Variants in ATP7A observed in about 807,000 individuals in gnomAD.
The protein encoded by ATP7A is copper-transporting ATPase 1.
ATP7A carries 7 observed loss-of-function variants against 83.5 expected under a neutral mutation model. The ratio of observed to expected loss-of-function variants is 0.08; its 90% CI spans 0.05 to 0.16. ATP7A has a LOEUF of 0.16. Among genes scored for constraint, ATP7A ranks in the 10% least tolerant of loss-of-function variants. The probability of loss-of-function intolerance (pLI) is 1.00; values close to 1 mark genes in which losing one functional copy is unlikely to be tolerated. For synonymous variants in ATP7A, 354 were observed against 395.2 expected, an observed-to-expected ratio of 0.90 and a Z score of 1.24; for missense variants, 940 against 1,120.8, an observed-to-expected ratio of 0.84 and a Z score of 2.30.
intron 4 of ATP7A, among the ~76,000 whole-genome samples, chrX:77,990,391 T>C (rs963278454): frequency 8.9e-5 from 10 of 112,037 alleles, no homozygotes; most frequent in Non-Finnish European, 5.6e-5. Context: ...CCTGGTAGGA[T>C]ATGAACCAAA....
chrX:77,933,765 A>T (rs2077303410), intron 1 of ATP7A, among the ~76,000 whole-genome samples: 1 of 112,491 alleles, frequency 8.9e-6, no homozygotes, highest in South Asian at 3.6e-4. Flanking sequence ...ACAATCTGTG[A>T]TCGACCTAAC....
At chrX:77,962,672 C>T (rs1287295856) in intron 1 of ATP7A, 1 of 381,880 alleles carries the variant, frequency 2.6e-6, no homozygotes, top group Non-Finnish European at 5.2e-6. Flanking sequence ...TAGGCCGGCC[C>T]GTTTTGAGCA....
In ATP7A at chrX:77,965,556, G is replaced by C. The variant is rs1428958495; in HGVS notation, c.-21-6065G>C. Reference sequence around the variant, plus strand: ...TTGGGGCCCTTATATACTGCTCATGGGAGTATAAATGGTACAGTCACTTTG... The same window carrying C: ...TTGGGGCCCTTATATACTGCTCATGCGAGTATAAATGGTACAGTCACTTTG... On this transcript the variant is annotated intron_variant, in intron 1 of 22. Coordinates refer to ENST00000341514, the MANE Select transcript of ATP7A (RefSeq NM_000052.7). 3 of 176,822 alleles carry C rather than the reference G, an allele frequency of 1.7e-5. No individual in the cohort carries two copies. The Admixed American group carries it at 2.0e-4, about 12-fold the overall frequency. The allele number at this position is 176,822 out of a possible 1,213,427, so 14.6% of individuals were successfully genotyped here. A position where few individuals can be genotyped will look rare whatever the true frequency, so the allele number is the denominator to read the frequency against.
intron 1 of ATP7A, among the ~76,000 whole-genome samples, chrX:77,921,806 T>C (rs1250926946): frequency 9.0e-6 from 1 of 111,095 alleles, no homozygotes; most frequent in African/African-American, 3.3e-5. Flanking sequence ...CTTGGGAGAC[T>C]GAGGCAGGAG....
chrX:77,978,706 T>C (rs1345072126), intron 2 of ATP7A, among the ~76,000 whole-genome samples: 1 of 111,834 alleles, frequency 8.9e-6, no homozygotes, highest in Non-Finnish European at 1.9e-5. Context: ...CTAAAGAATA[T>C]ACAGCCAAAA....
chrX:77,952,902 C>G (rs2077420994), intron 1 of ATP7A, among the ~76,000 whole-genome samples: 1 of 109,438 alleles, frequency 9.1e-6, no homozygotes, highest in Non-Finnish European at 1.9e-5. Flanking sequence ...CCACCTAAGC[C>G]TCCTGAGTAG....
intron 1 of ATP7A, 34 bp from the exon 2 acceptor site, chrX:77,971,587 T>C: frequency 1.7e-6 from 2 of 1,190,303 alleles, no homozygotes; most frequent in Non-Finnish European, 2.3e-6. Context: ...ATTATTTGCA[T>C]GGCTGAAATT....
intron 14 of ATP7A, among the ~76,000 whole-genome samples, chrX:78,024,365 T>C (rs2077928376): frequency 1.8e-5 from 2 of 111,718 alleles, no homozygotes; most frequent in African/African-American, 6.5e-5. Flanking sequence ...GTTGAATCTA[T>C]AGATTGCTTT....
At chrX:77,948,985 G>A (rs202080156) in intron 1 of ATP7A, among the ~76,000 whole-genome samples, 1 of 110,754 alleles carries the variant, frequency 9.0e-6, no homozygotes, top group African/African-American at 3.3e-5. Flanking sequence ...TCCGCCTCCC[G>A]GGTTCAAGCA....
At chrX:78,038,294 G>A (rs1445759499) in intron 17 of ATP7A, among the ~76,000 whole-genome samples, 1 of 109,868 alleles carries the variant, frequency 9.1e-6, no homozygotes, top group East Asian at 2.8e-4. Flanking sequence ...GTCATCATAT[G>A]GTATTAGGAT....
chrX:78,017,765 C>CT (rs1176316040), intron 12 of ATP7A, among the ~76,000 whole-genome samples: 1,197 of 45,795 alleles, frequency 0.026, 155 homozygotes, highest in African/African-American at 0.061. Flanking sequence ...TTTCTTGTTT[C>CT]TTTTTTTTTT....
intron 1 of ATP7A, among the ~76,000 whole-genome samples, chrX:77,942,794 A>T (rs1557225800): frequency 9.2e-6 from 1 of 108,520 alleles, no homozygotes; most frequent in East Asian, 2.9e-4. Context: ...GGATTTTTCT[A>T]GCTTTTGTTT....
chrX:77,962,936 C>A (rs1296890746), intron 1 of ATP7A: 1 of 303,213 alleles, frequency 3.3e-6, no homozygotes, highest in South Asian at 3.2e-5. Flanking sequence ...TGTAATAATT[C>A]ATACTTCCTC....
At chrX:77,987,102 A>G (rs2077641426) in intron 2 of ATP7A, among the ~76,000 whole-genome samples, 1 of 111,054 alleles carries the variant, frequency 9.0e-6, no homozygotes, top group Non-Finnish European at 1.9e-5. Flanking sequence ...CTCTCCTAAG[A>G]ATACTTTTCT....
At chrX:78,017,376 G>T (rs955121137) in intron 12 of ATP7A, among the ~76,000 whole-genome samples, 3 of 112,454 alleles carry the variant, frequency 2.7e-5, no homozygotes, top group Non-Finnish European at 3.8e-5. Context: ...GATGGGAGGG[G>T]CTGCTGCCAA....
Position 78,046,880 on chromosome X carries a change from T to A in ATP7A, c.*310T>A. On this transcript the variant is annotated 3_prime_UTR_variant, in exon 23 of 23. Coordinates refer to ENST00000341514, the MANE Select transcript of ATP7A (RefSeq NM_000052.7). ...ACTGCTGCTAAAGTGATTTTTTTTT[T>A]ATTTGACCAAAAAAAAAAAGGCCCA... The A allele has an allele frequency of 5.8e-6, 1 of 172,119 alleles. No individual in the cohort carries two copies. Among genetic ancestry groups the A allele is most frequent in the Non-Finnish European group, 1.0e-5 (1 of 97,571 alleles). The allele number at this position is 172,119 out of a possible 1,213,427, so 14.2% of individuals were successfully genotyped here. A position where few individuals can be genotyped will look rare whatever the true frequency, so the allele number is the denominator to read the frequency against.
At chrX:77,981,618 T>C (rs1285834633) in intron 2 of ATP7A, among the ~76,000 whole-genome samples, 1 of 111,176 alleles carries the variant, frequency 9.0e-6, no homozygotes, top group Non-Finnish European at 1.9e-5. Context: ...GAGAACAGCT[T>C]GGGCAACATA....
chrX:77,974,879 CTA>C, intron 2 of ATP7A: 1 of 287,463 alleles, frequency 3.5e-6, no homozygotes, highest in Non-Finnish European at 6.1e-6. Flanking sequence ...GGTGGAGAAA[CTA>C]TTTTTTTTTA....
chrX:78,002,735 G>C (rs1056026328), intron 5 of ATP7A, among the ~76,000 whole-genome samples: 1 of 106,713 alleles, frequency 9.4e-6, no homozygotes, highest in African/African-American at 3.4e-5. Context: ...GAATGTATAT[G>C]AAATAAGATT....
Sources: gnomAD v4.1 joint callset for allele counts (sites outside exome capture counted in the v4.1 genomes callset) on GRCh38, gnomAD v4.1.1 for gene constraint, MANE v1.5 for transcripts, NCBI Gene and HGNC (gene_info 2026-07-23, HGNC 2026-07-21) for gene names.